The following INTS9 variants were observed in gnomAD, a reference collection of about 807,000 sequenced individuals.
INTS9 encodes the protein protein related to CPSF subunits of 74 kDa.
INTS9 carries 55 observed loss-of-function variants against 79.7 expected under a neutral mutation model. That is an observed-to-expected ratio of 0.69 (90% CI 0.56 to 0.86). The LOEUF (loss-of-function observed/expected upper bound fraction) is 0.86. INTS9 is among the 40% of genes least tolerant of loss of function. The pLI is 0.00. For synonymous variants in INTS9, 319 were observed against 325.2 expected (o/e 0.98, Z 0.20); for missense variants, 721 against 831.5 (o/e 0.87, Z 1.64).
chr8:28,834,770 G>A (rs919314343), intron 6 of INTS9, among the ~76,000 whole-genome samples: 3 of 150,820 alleles, frequency 2.0e-5, no homozygotes, highest in Admixed American at 6.6e-5. Flanking sequence ...TCTGCCTCCC[G>A]GGTTCAAGCA....
chr8:28,829,077 G>A (rs751053514), intron 6 of INTS9, among the ~76,000 whole-genome samples: 2 of 152,144 alleles, frequency 1.3e-5, no homozygotes, highest in African/African-American at 2.4e-5. Context: ...CTATATCAAT[G>A]CTTCATTGCT....
At chr8:28,881,303 G>T (rs1809774218) in intron 1 of INTS9, among the ~76,000 whole-genome samples, 1 of 131,628 alleles carries the variant, frequency 7.6e-6, no homozygotes, top group African/African-American at 2.9e-5. Context: ...AGGGAGGTGG[G>T]GGGATCAGCC....
rs1446217357 is a variant in INTS9, at chr8:28,835,387, A to G, written c.402-9T>C. 1.9e-6 allele frequency: 3 copies of G among 1,609,020 alleles called. No individual in the cohort carries two copies. Among genetic ancestry groups the G allele is most frequent in the Non-Finnish European group, 2.6e-6 (3 of 1,175,804 alleles). Reference sequence around the variant, plus strand: ...GCTCTTCCATGAGAAGCCTGAGTTTAAACAAAACAAGTGAGGAACACCCAT... The same window carrying G: ...GCTCTTCCATGAGAAGCCTGAGTTTGAACAAAACAAGTGAGGAACACCCAT... On this transcript the variant is annotated splice_polypyrimidine_tract_variant and intron_variant, in intron 5 of 16. Coordinates refer to ENST00000521022, the MANE Select transcript of INTS9 (RefSeq NM_018250.4).
chr8:28,793,175 G>A (rs1396042455), intron 10 of INTS9, among the ~76,000 whole-genome samples: 2 of 152,170 alleles, frequency 1.3e-5, no homozygotes, highest in Non-Finnish European at 2.9e-5. Flanking sequence ...GACTGCCTGT[G>A]TCACAGTCCC....
intron 1 of INTS9, among the ~76,000 whole-genome samples, chr8:28,888,076 A>G (rs930110177): frequency 2.6e-5 from 4 of 152,220 alleles, no homozygotes; most frequent in African/African-American, 9.7e-5. Flanking sequence ...TGCTTTAGCC[A>G]ATAAGGTACC....
intron 8 of INTS9, among the ~76,000 whole-genome samples, chr8:28,799,859 A>C (rs1216132664): frequency 6.6e-6 from 1 of 152,188 alleles, no homozygotes; most frequent in Non-Finnish European, 1.5e-5. Flanking sequence ...TGGTGTGCTG[A>C]GGTCAGTAAT....
intron 11 of INTS9, among the ~76,000 whole-genome samples, chr8:28,782,646 T>C (rs550116341): frequency 6.6e-6 from 1 of 152,360 alleles, no homozygotes; most frequent in East Asian, 1.9e-4. Context: ...CTAGGCACAA[T>C]GGCTTACGCC....
chr8:28,819,465 G>C (rs1281505585), intron 6 of INTS9, among the ~76,000 whole-genome samples: 1 of 152,214 alleles, frequency 6.6e-6, no homozygotes, highest in Non-Finnish European at 1.5e-5. Context: ...GAGCGGTTTT[G>C]AGTGAGTTTC....
chr8:28,812,057 G>T (rs954511235), intron 8 of INTS9, among the ~76,000 whole-genome samples: 13 of 152,210 alleles, frequency 8.5e-5, no homozygotes, highest in African/African-American at 3.1e-4. Context: ...CTGAGTAAAT[G>T]CATAACCATC....
intron 2 of INTS9, among the ~76,000 whole-genome samples, chr8:28,855,647 G>A (rs2131277807): frequency 6.6e-6 from 1 of 152,316 alleles, no homozygotes. Flanking sequence ...AATGCAATGT[G>A]GATGGGATGT....
At chr8:28,772,629 A>G (rs887596349) in intron 14 of INTS9, among the ~76,000 whole-genome samples, 1 of 151,966 alleles carries the variant, frequency 6.6e-6, no homozygotes, top group African/African-American at 2.4e-5. Context: ...AACACAGTGA[A>G]ACCCTGTCTC....
rs745934790 is a variant in INTS9, at chr8:28,771,853, G to A, written c.1564-773C>T. ...GGCAGCCATGCACTATTTCCAAGAC[G>A]ACTCTGAAGGAGTCTTTTTTTTTTT... is the stretch of plus-strand genomic sequence containing the variant. On this transcript the variant is annotated intron_variant, in intron 14 of 16. Transcript: ENST00000521022. Among the ~76,000 whole-genome samples the A allele has an allele frequency of 1.5e-4, 23 of 152,052 alleles. No homozygotes were observed. In the East Asian group the frequency reaches 1.7e-3, roughly 12 times the overall value.
At chr8:28,881,300 T>A (rs1809773726) in intron 1 of INTS9, among the ~76,000 whole-genome samples, 2 of 105,166 alleles carry the variant, frequency 1.9e-5, no homozygotes, top group South Asian at 2.9e-4. Flanking sequence ...GGGAGGGAGG[T>A]GGGGGGATCA....
intron 8 of INTS9, 189 bp from the exon 9 acceptor site, chr8:28,796,844 A>C (rs930256341): frequency 1.9e-6 from 1 of 525,002 alleles, no homozygotes; most frequent in Non-Finnish European, 3.5e-6. Context: ...TGATGGGAGG[A>C]GGCAAGAGGG....
rs1363807079 is a variant in INTS9 at position 28,840,270 on chromosome 8, A to G, written c.262-2494T>C. Among the ~76,000 whole-genome samples, 31 of 151,540 alleles carry G rather than the reference A, an allele frequency of 2.0e-4. No homozygotes were observed. The East Asian group carries it at 5.8e-3, about 28-fold the overall frequency. On this transcript the variant is annotated intron_variant, in intron 4 of 16. Coordinates refer to ENST00000521022, the MANE Select transcript of INTS9 (RefSeq NM_018250.4). Reference sequence around the variant, plus strand: ...CCATCTCACACCAGTTAGAATGGCAATCATTAAAAAGTCAGGAAACAACGG... The same window carrying G: ...CCATCTCACACCAGTTAGAATGGCAGTCATTAAAAAGTCAGGAAACAACGG...
intron 1 of INTS9, among the ~76,000 whole-genome samples, chr8:28,861,508 AGT>A: frequency 6.6e-6 from 1 of 152,356 alleles, no homozygotes; most frequent in South Asian, 2.1e-4. Flanking sequence ...GTTATTTCTG[AGT>A]GGGAAGATTA....
chr8:28,785,714 C>T (rs1372052580), intron 11 of INTS9, among the ~76,000 whole-genome samples: 2 of 152,174 alleles, frequency 1.3e-5, no homozygotes, highest in Non-Finnish European at 2.9e-5. Context: ...TGTCACTGCT[C>T]CCAGGCCCTC....
chr8:28,786,664 C>A (rs1222432242), intron 11 of INTS9, among the ~76,000 whole-genome samples: 3 of 152,172 alleles, frequency 2.0e-5, no homozygotes. Flanking sequence ...ACTTTAGGAA[C>A]AAAACTGCGG....
At chr8:28,770,863 C>A (rs1277337531) in intron 15 of INTS9, 119 bp downstream of exon 15, 12 of 770,922 alleles carry the variant, frequency 1.6e-5, no homozygotes, top group Non-Finnish European at 6.4e-6. Flanking sequence ...GGCACATGGC[C>A]AGGGAAATAA....
Sources: gnomAD v4.1 joint callset for allele counts (sites outside exome capture counted in the v4.1 genomes callset) on GRCh38, gnomAD v4.1.1 for gene constraint, MANE v1.5 for transcripts, NCBI Gene and HGNC (gene_info 2026-07-23, HGNC 2026-07-21) for gene names.